ZNF273: variants seen among roughly 807,000 people sequenced by gnomAD.
ZNF273 encodes the protein zinc finger protein 273.
A neutral mutation model predicts 14.9 loss-of-function variants in ZNF273; 11 were observed. That is an observed-to-expected ratio of 0.74 (90% CI 0.46 to 1.22). The LOEUF (loss-of-function observed/expected upper bound fraction) is 1.22. Ranked by LOEUF, ZNF273 falls within the 50% of genes most tolerant of loss-of-function variation. The pLI, the probability that ZNF273 is intolerant of heterozygous loss-of-function variation, is 0.00. For synonymous variants in ZNF273, 199 were observed against 223.9 expected, an observed-to-expected ratio of 0.89 and a Z score of 0.99; for missense variants, 577 against 660.6, an observed-to-expected ratio of 0.87 and a Z score of 1.39.
At chr7:64,913,637 A>G (rs1457138136) in intron 1 of ZNF273, among the ~76,000 whole-genome samples, 1 of 152,218 alleles carries the variant, frequency 6.6e-6, no homozygotes, top group African/African-American at 2.4e-5. Context: ...GTGTTATGAC[A>G]AGAGTGCTGA....
downstream of ZNF273, chr7:64,894,029 T>A (rs1792213194): frequency 6.6e-6 from 1 of 152,188 alleles, no homozygotes. Context: ...ATTTGAGACA[T>A]AGCCTTGCTC....
At chr7:64,894,098 G>A (rs55702505), downstream of ZNF273, among the ~76,000 whole-genome samples, 4 of 152,146 alleles carry the variant, frequency 2.6e-5, no homozygotes, top group Admixed American at 6.5e-5. Flanking sequence ...TCCGTCTCCC[G>A]GGTTCAATTA....
At chr7:64,899,459 G>A (rs1291269965), upstream of ZNF273, among the ~76,000 whole-genome samples, 4 of 152,164 alleles carry the variant, frequency 2.6e-5, no homozygotes, top group Middle Eastern at 3.4e-3. Context: ...GTCCCAGACC[G>A]GCCTTGCCAA....
chr7:64,888,627 G>T (rs73355758), exon 2 of ZNF273: 41,177 of 985,812 alleles, frequency 0.042, 956 homozygotes, highest in East Asian at 0.075. Flanking sequence ...CAGGAGCGGG[G>T]CGGCCTGGAT....
chr7:64,893,189 A>AC (rs371264662), downstream of ZNF273, among the ~76,000 whole-genome samples: 13 of 152,058 alleles, frequency 8.5e-5, no homozygotes, highest in East Asian at 2.5e-3. Flanking sequence ...TCTGTCAAAT[A>AC]TTTTTTTTCT....
At chr7:64,880,638 G>A (rs55780785), downstream of ZNF273, among the ~76,000 whole-genome samples, 12,617 of 152,030 alleles carry the variant, frequency 0.083, 666 homozygotes, top group South Asian at 0.18. Context: ...TGGGCTGCGG[G>A]GCTCCGTGTC....
chr7:64,919,985 A>C (rs939243361), intron 3 of ZNF273, among the ~76,000 whole-genome samples: 1 of 152,074 alleles, frequency 6.6e-6, no homozygotes. Flanking sequence ...ACAATGGCAC[A>C]ATATAGTTTT....
downstream of ZNF273, chr7:64,889,141 G>A (rs1426139532): frequency 2.0e-6 from 2 of 985,848 alleles, no homozygotes; most frequent in East Asian, 2.3e-4. This position sits in a 1 kb window ranked among gnomAD's most constrained non-coding sequence, Gnocchi z 4.2. Flanking sequence ...TCGTTGCGGA[G>A]GGGACGCCCG....
Position 64,923,711 on chromosome 7 carries a change from A to G in ZNF273, c.326-3943A>G, listed in dbSNP as rs1794633386. On this transcript the variant is annotated intron_variant, in intron 3 of 3. Transcript: ENST00000476120. ...ACAGAAATTTGCATTGCTTTTACCT[A>G]TTGGCTTTCAGTAACAATGGTATAA... is the stretch of plus-strand genomic sequence containing the variant. 1.5e-5 allele frequency: 3 copies of G among 196,324 alleles called. No homozygotes were observed. In the South Asian group the frequency reaches 2.4e-4, roughly 16 times the overall value. The allele number at this position is 196,324 out of a possible 1,614,324, so 12.2% of individuals were successfully genotyped here.
At chr7:64,882,964 C>T (rs542711005), downstream of ZNF273, among the ~76,000 whole-genome samples, 36 of 152,154 alleles carry the variant, frequency 2.4e-4, no homozygotes, top group African/African-American at 8.4e-4. Context: ...AGTGTGTATG[C>T]GGCTGTCTGT....
chr7:64,925,464 G>GT (rs1473822518), intron 3 of ZNF273, among the ~76,000 whole-genome samples: 9 of 152,204 alleles, frequency 5.9e-5, no homozygotes, highest in African/African-American at 1.7e-4. Flanking sequence ...TTGAGACAGA[G>GT]TCTCGCTCTG....
At chr7:64,899,878 A>G (rs1335980981), upstream of ZNF273, among the ~76,000 whole-genome samples, 1 of 150,816 alleles carries the variant, frequency 6.6e-6, no homozygotes, top group African/African-American at 2.4e-5. Context: ...CTCCTGCCTC[A>G]GCCTCCTAAG....
chr7:64,915,630 C>T (rs556475357), intron 1 of ZNF273, among the ~76,000 whole-genome samples: 25 of 152,308 alleles, frequency 1.6e-4, no homozygotes, highest in African/African-American at 5.3e-4. Flanking sequence ...GTGTTCATTC[C>T]GGTAAACCCA....
chr7:64,914,027 G>T (rs1364327532), intron 1 of ZNF273, among the ~76,000 whole-genome samples: 1 of 151,052 alleles, frequency 6.6e-6, no homozygotes, highest in South Asian at 2.1e-4. Flanking sequence ...TTTTGTTTTT[G>T]AGACAGATTT....
At chr7:64,889,569 G>A, downstream of ZNF273, 1 of 986,092 alleles carries the variant, frequency 1.0e-6, no homozygotes, top group Non-Finnish European at 1.2e-6. This position sits in a 1 kb window ranked among gnomAD's most constrained non-coding sequence, Gnocchi z 4.2. Context: ...ACCTGAGAGG[G>A]ACAGTGAGAT....
At chr7:64,895,356 A>G (rs974389928) in intron 3 of ZNF273, among the ~76,000 whole-genome samples, 2 of 152,138 alleles carry the variant, frequency 1.3e-5, no homozygotes, top group Admixed American at 6.5e-5. Flanking sequence ...GGTCTATTAA[A>G]TTGTCAAAGA....
At position 64,923,509 on chromosome 7, in the gene ZNF273, T is replaced by C. The variant is rs548633043; in HGVS notation, c.326-4145T>C. ...GGCGAGTGCCATCATGCCCGGCTAA[T>C]TTTTGTATTTTTAGTAGAGTGAGGG... On this transcript the variant is annotated intron_variant, in intron 3 of 3. Transcript: ENST00000476120. The C allele has an allele frequency of 1.2e-3, 446 of 372,198 alleles. 5 individuals are homozygous for C. The highest frequency in any genetic ancestry group is 9.1e-3 in the African/African-American group (424 of 46,352). The allele number at this position is 372,198 out of a possible 1,614,324, so 23.1% of individuals were successfully genotyped here.
chr7:64,928,187 G>A lies in ZNF273; in HGVS notation c.859G>A (p.Glu287Lys). ...TAAACATAAAAAAATTCATACTGAA[G>A]AGAAACCTTACAAATGTGAAGATTG... is the stretch of plus-strand genomic sequence containing the variant. ...LTKHKKIHTEEKPYKCEDCGK... is the reference protein window; with the variant it reads ...LTKHKKIHTEKKPYKCEDCGK... The change falls in exon 4 of 4, where the codon GAG becomes AAG. Residue 287 changes from glutamate to lysine, a missense_variant. Physicochemically the swap from Glu to Lys is moderately conservative, Grantham distance 56. Around this residue, in one of 3 missense-constraint regions of ZNF273, gnomAD observed 411 missense variants for 440.4 expected, o/e 0.93. Coordinates refer to ENST00000476120, the MANE Select transcript of ZNF273 (RefSeq NM_021148.3). 1.2e-6 allele frequency: 2 copies of A among 1,613,414 alleles called. No homozygotes were observed. The highest frequency in any genetic ancestry group is 8.5e-7 in the Non-Finnish European group (1 of 1,179,768).
intron 3 of ZNF273, chr7:64,923,375 C>CT (rs1459019346): frequency 8.8e-6 from 4 of 455,106 alleles, no homozygotes; most frequent in Non-Finnish European, 1.8e-5. Flanking sequence ...GATTCTCATT[C>CT]TTTCACCCAG....
Sources: allele counts gnomAD v4.1 joint callset (sites outside exome capture counted in the v4.1 genomes callset), GRCh38; gene constraint gnomAD v4.1.1; regional missense constraint gnomAD v4.1.1; non-coding constraint Gnocchi (gnomAD v3.1); transcripts MANE v1.5; gene names NCBI Gene and HGNC (gene_info 2026-07-23, HGNC 2026-07-21).